The following TDRP variants were observed in gnomAD, a reference collection of about 807,000 sequenced individuals.
TDRP encodes the protein testis development-related protein.
Under a neutral mutation model 10.5 loss-of-function variants are expected in TDRP, and 12 were observed. The observed-to-expected ratio is 1.15, with a 90% CI of 0.73 to 1.86. The LOEUF is 1.86. Ranked by LOEUF, TDRP falls within the 40% of genes most tolerant of loss-of-function variation. The pLI, the probability that TDRP is intolerant of heterozygous loss-of-function variation, is 0.00. For synonymous variants in TDRP, 139 were observed against 95.4 expected (o/e 1.46, Z -2.67); for missense variants, 353 against 229.2 (o/e 1.54, Z -3.49).
chr8:543,227 G>A (rs958633045), intron 1 of TDRP, among the ~76,000 whole-genome samples: 1 of 152,110 alleles, frequency 6.6e-6, no homozygotes, highest in African/African-American at 2.4e-5. Context: ...GAGGAGAATA[G>A]CTTGAGCCCA....
chr8:503,219 G>A (rs966422617), intron 1 of TDRP, among the ~76,000 whole-genome samples: 6 of 147,718 alleles, frequency 4.1e-5, no homozygotes, highest in African/African-American at 7.6e-5. Flanking sequence ...GCCACACACT[G>A]GAAGCAATGC....
At chr8:543,171 G>A (rs1441639957) in intron 1 of TDRP, among the ~76,000 whole-genome samples, 4 of 152,188 alleles carry the variant, frequency 2.6e-5, no homozygotes, top group South Asian at 4.2e-4. Context: ...AATTAGCCAG[G>A]TGAGGTGGTG....
intron 1 of TDRP, among the ~76,000 whole-genome samples, chr8:519,761 T>C (rs940160814): frequency 1.3e-5 from 2 of 151,960 alleles, no homozygotes; most frequent in African/African-American, 4.8e-5. Context: ...AAAGACAGGG[T>C]TTGGAATGCA....
chr8:502,007 G>C (rs1257320895), intron 1 of TDRP, among the ~76,000 whole-genome samples: 1 of 152,226 alleles, frequency 6.6e-6, no homozygotes, highest in Non-Finnish European at 1.5e-5. Context: ...GACGTGGTGA[G>C]GGAGGACTCT....
chr8:511,974 C>G (rs1252154640), intron 1 of TDRP, among the ~76,000 whole-genome samples: 1 of 152,028 alleles, frequency 6.6e-6, no homozygotes, highest in Non-Finnish European at 1.5e-5. Flanking sequence ...GATATCAAAT[C>G]AATAACTTAA....
upstream of TDRP, among the ~76,000 whole-genome samples, chr8:545,289 GC>G (rs1287270616): frequency 1.4e-5 from 1 of 69,692 alleles, no homozygotes; most frequent in Non-Finnish European, 2.7e-5. Flanking sequence ...ACCCGGAAAC[GC>G]CCCCATCCTG....
chr8:507,459 T>C (rs7821637), intron 1 of TDRP, among the ~76,000 whole-genome samples: 64,787 of 151,706 alleles, frequency 0.43, 14,331 homozygotes, highest in Middle Eastern at 0.49. Flanking sequence ...GATTCATTTG[T>C]AGAGCAATGT....
At chr8:529,001 G>A (rs1377786855) in intron 1 of TDRP, among the ~76,000 whole-genome samples, 1 of 152,150 alleles carries the variant, frequency 6.6e-6, no homozygotes, top group Non-Finnish European at 1.5e-5. Context: ...AGGGCAGGAA[G>A]CATCCAGCAC....
intron 1 of TDRP, among the ~76,000 whole-genome samples, chr8:500,627 C>T (rs886091325): frequency 2.0e-5 from 3 of 152,196 alleles, no homozygotes; most frequent in African/African-American, 7.2e-5. Context: ...GCGTTTTCTC[C>T]TATTTTTCAT....
chr8:515,790 G>C lies in TDRP; in HGVS notation c.109-21193C>G, dbSNP rs112843277. On this transcript the variant is annotated intron_variant, in intron 1 of 2. Coordinates refer to ENST00000324079, the MANE Select transcript of TDRP (RefSeq NM_001384899.1). ...TTTTTATCACTATATAATTAAATAA[G>C]TATGTGCTAAATATATAAACTGAAT... Among the ~76,000 whole-genome samples the C allele has an allele frequency of 3.1e-4, 47 of 152,152 alleles. 1 individual carries two copies. The highest frequency in any genetic ancestry group is 1.0e-3 in the African/African-American group (42 of 41,512).
rs746997766 is a variant in TDRP, at chr8:494,500, G to A, written c.206C>T (p.Ser69Phe). Residue 69 changes from serine to phenylalanine, a missense_variant, in exon 2 of 3, where the codon TCC becomes TTC. Physicochemically the swap from Ser to Phe is radical, Grantham distance 155 (BLOSUM62 -2). Coordinates refer to ENST00000324079, the MANE Select transcript of TDRP (RefSeq NM_001384899.1). ...HLLERCKSPK[S>F]KGTNLRLKEE... is the part of the protein sequence containing the mutation. ...TTACACAGTTATGACTTACCCTTTG[G>A]ACTTGGGAGATTTACATCTTTCCAG... The A allele has an allele frequency of 1.7e-5, 27 of 1,613,534 alleles. No individual in the cohort carries two copies. The South Asian group carries it at 2.6e-4, about 16-fold the overall frequency.
chr8:496,463 C>A (rs1013416330), intron 1 of TDRP, among the ~76,000 whole-genome samples: 3 of 152,208 alleles, frequency 2.0e-5, no homozygotes, highest in Admixed American at 2.0e-4. Context: ...CCCCATGAGA[C>A]AGACACAGTG....
At chr8:499,566 C>G (rs946898150) in intron 1 of TDRP, among the ~76,000 whole-genome samples, 1 of 152,194 alleles carries the variant, frequency 6.6e-6, no homozygotes, top group African/African-American at 2.4e-5. Context: ...CTCTCTACTG[C>G]CAGGTGAGCA....
At chr8:542,857 CAAAA>C (rs34967419) in intron 1 of TDRP, among the ~76,000 whole-genome samples, 2 of 105,762 alleles carry the variant, frequency 1.9e-5, no homozygotes, top group Non-Finnish European at 1.8e-5. Flanking sequence ...AACTTCATCT[CAAAA>C]AAAAAAAAAA....
At chr8:524,692 A>C (rs916777314) in intron 1 of TDRP, among the ~76,000 whole-genome samples, 8 of 152,218 alleles carry the variant, frequency 5.3e-5, no homozygotes, top group African/African-American at 1.7e-4. Flanking sequence ...CAGTCTCAAA[A>C]GTAGAATTGA....
At chr8:531,768 C>T (rs1432088866) in intron 1 of TDRP, among the ~76,000 whole-genome samples, 1 of 152,062 alleles carries the variant, frequency 6.6e-6, no homozygotes, top group African/African-American at 2.4e-5. Flanking sequence ...ATCTTCAGTC[C>T]ACAAGCTTAG....
upstream of TDRP, chr8:544,851 G>A (rs991413570): frequency 7.2e-6 from 7 of 970,860 alleles, no homozygotes; most frequent in African/African-American, 1.7e-5. Context: ...GGCTCCTGCG[G>A]GACGCGGGCC....
rs1802589158 is a variant in TDRP, at chr8:544,686, C to T, written c.72G>A (p.Gly24=). 3 of 1,244,750 alleles carry T rather than the reference C, an allele frequency of 2.4e-6. No homozygotes were observed. The highest frequency in any genetic ancestry group is 3.7e-5 in the South Asian group (1 of 27,130). 77.1% of individuals were successfully genotyped at this position (1,244,750 alleles called of 1,614,324 possible). A position where few individuals can be genotyped will look rare whatever the true frequency, so the allele number is the denominator to read the frequency against. ...CGGCGGCGGCGGCGGCCGGTGGCGG[C>T]CCCCCACGCAGGCCGTCCTCCTCCT... ...PPEEEDGLRG[G]PPPAAAAAAQ... Residue 24 remains glycine, a synonymous_variant, in exon 1 of 3, where the codon GGG becomes GGA. Transcript: ENST00000324079.
At chr8:521,309 T>A (rs6999261) in intron 1 of TDRP, among the ~76,000 whole-genome samples, 1 of 149,544 alleles carries the variant, frequency 6.7e-6, no homozygotes, top group South Asian at 2.1e-4. Context: ...CCCAGCTACT[T>A]GGGAGGCTGA....
Sources: allele counts gnomAD v4.1 joint callset (sites outside exome capture counted in the v4.1 genomes callset), GRCh38; gene constraint gnomAD v4.1.1; transcripts MANE v1.5; gene names NCBI Gene and HGNC (gene_info 2026-07-23, HGNC 2026-07-21).